The following UROC1 variants were observed in gnomAD, a reference collection of about 807,000 sequenced individuals.
The protein encoded by UROC1 is urocanate hydratase.
A neutral mutation model predicts 89.5 loss-of-function variants in UROC1; 79 were observed. The observed-to-expected ratio is 0.88, with a 90% CI of 0.74 to 1.06. UROC1 has a LOEUF of 1.06. Ranked by LOEUF, UROC1 falls within the 50% of genes least tolerant of loss-of-function variation. The probability of loss-of-function intolerance (pLI) is 0.00; values close to 1 mark genes in which losing one functional copy is unlikely to be tolerated. For missense variants in UROC1, 885 were observed against 907.8 expected (o/e 0.97, Z 0.32); for synonymous variants, 361 against 354.8 (o/e 1.02, Z -0.20).
rs371535321 is a variant in UROC1, at chr3:126,500,182, C to T, written c.1146-28G>A. 1.7e-5 allele frequency: 28 copies of T among 1,609,860 alleles called. 1 individual carries two copies. Among genetic ancestry groups the T allele is most frequent in the East Asian group, 1.3e-4 (6 of 44,822 alleles). ...GCAACAAGCCATGGGTCAGCACCACCGCTGTGAGGCCCTGGGGCCTCCCCA... is the reference window on the plus strand; with the variant it reads ...GCAACAAGCCATGGGTCAGCACCACTGCTGTGAGGCCCTGGGGCCTCCCCA... On this transcript the variant is annotated intron_variant, in intron 11 of 19. Transcript: ENST00000290868.
chr3:126,499,650 C>T (rs1459873406), intron 12 of UROC1, among the ~76,000 whole-genome samples: 1 of 152,260 alleles, frequency 6.6e-6, no homozygotes, highest in African/African-American at 2.4e-5. Context: ...GAGCCCGCCA[C>T]CTGCAGGGAG....
At chr3:126,483,572 G>C (rs1286448994) in intron 18 of UROC1, 104 bp from the exon 19 acceptor site, 3 of 1,096,292 alleles carry the variant, frequency 2.7e-6, no homozygotes, top group African/African-American at 3.1e-5. Context: ...CGGCGTCAGG[G>C]TTGGGGCCGC....
Position 126,482,459 on chromosome 3 carries a change from G to T in UROC1, c.1917C>A (p.Asn639Lys). 1 of 1,614,046 alleles carries T rather than the reference G, an allele frequency of 6.2e-7. No homozygotes were observed. Among genetic ancestry groups the T allele is most frequent in the Non-Finnish European group, 8.5e-7 (1 of 1,180,018 alleles). ...GGCAGATGATCTCATAGGCCTTCTGGTTCCCTGACCAGCAGCGCCGGGCCA... is the reference window on the plus strand; with the variant it reads ...GGCAGATGATCTCATAGGCCTTCTGTTTCCCTGACCAGCAGCGCCGGGCCA... ...NGVARRCWSG[N>K]QKAYEIICQT... Residue 639 changes from asparagine to lysine, a missense_variant, in exon 20 of 20, where the codon AAC (asparagine) becomes AAA (lysine). Asn to Lys is a moderately conservative substitution (Grantham distance 94). Coordinates refer to ENST00000290868, the MANE Select transcript of UROC1 (RefSeq NM_144639.3).
chr3:126,505,572 C>A (rs1395410461), intron 8 of UROC1, 129 bp downstream of exon 8: 1 of 1,424,738 alleles, frequency 7.0e-7, no homozygotes, highest in East Asian at 2.5e-5. Context: ...GTGGAGGAGG[C>A]AAGGGTGGCC....
At chr3:126,489,135 C>T in intron 17 of UROC1, 141 bp downstream of exon 17, 1 of 785,772 alleles carries the variant, frequency 1.3e-6, no homozygotes, top group Non-Finnish European at 2.2e-6. Context: ...CCCAGACCCC[C>T]TCAGTCCTGG....
rs1208090936 is a variant in UROC1, at chr3:126,489,281, C to A, written c.1703G>T (p.Cys568Phe). 6.2e-7 allele frequency: 1 copy of A among 1,613,232 alleles called. No homozygotes were observed. Among genetic ancestry groups the A allele is most frequent in the East Asian group, 2.2e-5 (1 of 44,886 alleles). Residue 568 changes from cysteine (C) to phenylalanine (F), a missense_variant, in exon 17 of 20, where the codon TGT becomes TTT. Transcript: ENST00000290868. Reference protein sequence around the residue: ...TSNIYDGSAFCADMAVQNFVG... With the variant: ...TSNIYDGSAFFADMAVQNFVG... The stretch of plus-strand genomic sequence containing the variant: ...GACATTCTCATCTTCCTCACCTGCA[C>A]AGAAGGCAGAGCCGTCGTAAATGTT...
At chr3:126,488,421 C>T (rs1475223014) in intron 17 of UROC1, 142 bp from the exon 18 acceptor site, 1 of 846,940 alleles carries the variant, frequency 1.2e-6, no homozygotes, top group East Asian at 2.6e-5. Context: ...CAGGGCCTCT[C>T]ACAGCAGCAG....
intron 1 of UROC1, among the ~76,000 whole-genome samples, chr3:126,513,570 G>C (rs1560129111): frequency 6.6e-6 from 1 of 152,226 alleles, no homozygotes; most frequent in Non-Finnish European, 1.5e-5. Context: ...CATCTGTAAA[G>C]TGGGCATAAT....
intron 15 of UROC1, among the ~76,000 whole-genome samples, chr3:126,494,736 G>A (rs540363489): frequency 5.9e-5 from 9 of 152,140 alleles, no homozygotes; most frequent in Admixed American, 5.9e-4. Flanking sequence ...CCTCTGCCTC[G>A]ATTGTCACAT....
intron 9 of UROC1, among the ~76,000 whole-genome samples, chr3:126,503,126 C>G (rs967248611): frequency 1.3e-5 from 2 of 152,110 alleles, no homozygotes; most frequent in African/African-American, 4.8e-5. Context: ...CACAGCACAC[C>G]TGGAGTGTGG....
chr3:126,486,384 C>T (rs1935515888), intron 18 of UROC1, among the ~76,000 whole-genome samples: 1 of 152,268 alleles, frequency 6.6e-6, no homozygotes. Context: ...TGGCTCTTGT[C>T]TTGATCTCTT....
chr3:126,487,957 C>T (rs812366), intron 18 of UROC1, among the ~76,000 whole-genome samples: 96,567 of 152,142 alleles, frequency 0.63, 32,097 homozygotes, highest in Non-Finnish European at 0.75. Context: ...CCTAAGAGGC[C>T]CCTGAGACCC....
intron 18 of UROC1, 30 bp downstream of exon 18, chr3:126,488,168 C>G (rs1446600989): frequency 1.2e-6 from 2 of 1,613,628 alleles, no homozygotes; most frequent in Non-Finnish European, 1.7e-6. Flanking sequence ...TCCACATCAG[C>G]CCACACCCTG....
intron 18 of UROC1, among the ~76,000 whole-genome samples, chr3:126,484,464 A>G (rs958369418): frequency 6.6e-6 from 1 of 152,120 alleles, no homozygotes; most frequent in South Asian, 2.1e-4. Flanking sequence ...CTTATTCCTC[A>G]CTTGCAGTAT....
chr3:126,487,620 C>T (rs890672022), intron 18 of UROC1, among the ~76,000 whole-genome samples: 5 of 152,226 alleles, frequency 3.3e-5, no homozygotes, highest in Non-Finnish European at 1.5e-5. Context: ...TGCAGCACCC[C>T]TTGCTGCTCC....
Position 126,482,343 on chromosome 3 carries a change from C to T in UROC1, c.*2G>A. 1 of 1,612,594 alleles carries T rather than the reference C, an allele frequency of 6.2e-7. No individual in the cohort carries two copies. The highest frequency in any genetic ancestry group is 8.5e-7 in the Non-Finnish European group (1 of 1,179,634). ...AGGCAGGGGCCGCGACTCCTGGCTC[C>T]CTCAGAGCTGCAGGGCCTGCTGGAG... On this transcript the variant is annotated 3_prime_UTR_variant, in exon 20 of 20. Coordinates refer to ENST00000290868, the MANE Select transcript of UROC1 (RefSeq NM_144639.3).
At chr3:126,487,298 T>A (rs1935541122) in intron 18 of UROC1, among the ~76,000 whole-genome samples, 1 of 152,334 alleles carries the variant, frequency 6.6e-6, no homozygotes, top group South Asian at 2.1e-4. Flanking sequence ...CGGAAATGAC[T>A]CAGGAAATCC....
rs1293331849 is a variant in UROC1, at chr3:126,496,245, A to G, written c.1439-137T>C. The G allele has an allele frequency of 5.4e-6, 4 of 745,300 alleles. No individual in the cohort carries two copies. The Admixed American group carries it at 6.8e-5, about 13-fold the overall frequency. 46.2% of individuals were successfully genotyped at this position (745,300 alleles called of 1,614,324 possible). On this transcript the variant is annotated intron_variant, in intron 14 of 19. Transcript: ENST00000290868. The stretch of plus-strand genomic sequence containing the variant: ...GACACAAGGTGAGGGAGCCCACCCC[A>G]CCCCACCCCTGCCTTTGTGAACTTG...
Position 126,489,370 on chromosome 3 carries a change from C to G in UROC1, c.1614G>C (p.Pro538=). 1 of 1,611,808 alleles carries G rather than the reference C, an allele frequency of 6.2e-7. No homozygotes were observed. The highest frequency in any genetic ancestry group is 8.5e-7 in the Non-Finnish European group (1 of 1,179,864). ...CATGGTGATCTCGGCTCAGGACCACCGGCGCCTGTGCATGGAAGGACAGAA... is the reference window on the plus strand; with the variant it reads ...CATGGTGATCTCGGCTCAGGACCACGGGCGCCTGTGCATGGAAGGACAGAA... ...QAIACRRIKA[P]VVLSRDHHDV... Residue 538 remains proline, a synonymous_variant, in exon 17 of 20, where the codon CCG becomes CCC. Coordinates refer to ENST00000290868, the MANE Select transcript of UROC1 (RefSeq NM_144639.3).
Sources: gnomAD v4.1 joint callset for allele counts (sites outside exome capture counted in the v4.1 genomes callset) on GRCh38, gnomAD v4.1.1 for gene constraint, MANE v1.5 for transcripts, NCBI Gene and HGNC (gene_info 2026-07-23, HGNC 2026-07-21) for gene names.